Variants in ARID4B observed in about 807,000 individuals in gnomAD.
ARID4B encodes the protein AT-rich interaction domain 4B.
A neutral mutation model predicts 147.5 loss-of-function variants in ARID4B; 26 were observed. The observed-to-expected ratio is 0.18, with a 90% CI of 0.13 to 0.24. The LOEUF (loss-of-function observed/expected upper bound fraction) is 0.24, where lower values mean the gene tolerates loss of function less well. Among genes scored for constraint, ARID4B ranks in the 10% least tolerant of loss-of-function variants. The probability of loss-of-function intolerance (pLI) is 1.00; values close to 1 mark genes in which losing one functional copy is unlikely to be tolerated. For synonymous variants in ARID4B, 512 were observed against 507.9 expected, an observed-to-expected ratio of 1.01 and a Z score of -0.11; for missense variants, 1,179 against 1,511.5, an observed-to-expected ratio of 0.78 and a Z score of 3.65.
rs1482696700 is a variant in ARID4B, at chr1:235,173,772, ATATAT to A, written c.3665-1013_3665-1009del. 4.6e-3 allele frequency among the ~76,000 whole-genome samples: 67 copies of A among 14,660 alleles called. 2 individuals carry two copies. Among genetic ancestry groups the A allele is most frequent in the African/African-American group, 0.014 (50 of 3,504 alleles). The allele number at this position is 14,660 out of a possible 152,430, so 9.6% of individuals were successfully genotyped here. Reference sequence around the variant, plus strand: ...AAAAAAAAAAAAAAAAAAAAAAAAAATATATATATATATATATATATATATATATA... The same window carrying A: ...AAAAAAAAAAAAAAAAAAAAAAAAAAATATATATATATATATATATATATA... On this transcript the variant is annotated intron_variant, in intron 22 of 23. Coordinates refer to ENST00000264183, the MANE Select transcript of ARID4B (RefSeq NM_016374.6).
intron 10 of ARID4B, among the ~76,000 whole-genome samples, chr1:235,229,840 T>G (rs904393535): frequency 6.6e-6 from 1 of 152,204 alleles, no homozygotes; most frequent in Non-Finnish European, 1.5e-5. Flanking sequence ...GAACTTCAAT[T>G]AAAACTATGG....
intron 17 of ARID4B, among the ~76,000 whole-genome samples, chr1:235,213,130 A>C (rs1666814424): frequency 6.6e-6 from 1 of 152,234 alleles, no homozygotes; most frequent in Admixed American, 6.5e-5. Flanking sequence ...AAAAATGCTT[A>C]AGTCATTGAA....
intron 2 of ARID4B, among the ~76,000 whole-genome samples, chr1:235,271,026 A>G (rs1236036310): frequency 6.6e-6 from 1 of 152,156 alleles, no homozygotes; most frequent in Non-Finnish European, 1.5e-5. Context: ...TAAAGACAGC[A>G]TCTGGAGAAC....
intron 17 of ARID4B, among the ~76,000 whole-genome samples, chr1:235,209,832 G>C (rs1666597193): frequency 6.6e-6 from 1 of 151,976 alleles, no homozygotes; most frequent in Admixed American, 6.5e-5. Flanking sequence ...CCAAAGTGCT[G>C]GGATTATGGG....
intron 18 of ARID4B, among the ~76,000 whole-genome samples, chr1:235,195,372 C>G (rs1253321970): frequency 6.6e-6 from 1 of 152,056 alleles, no homozygotes; most frequent in African/African-American, 2.4e-5. Context: ...GCGGGCGGAT[C>G]ACCTGAGGTC....
At chr1:235,206,531 A>G (rs370200964) in intron 17 of ARID4B, among the ~76,000 whole-genome samples, 6 of 152,348 alleles carry the variant, frequency 3.9e-5, no homozygotes, top group Admixed American at 2.6e-4. Flanking sequence ...GAGAAAACAC[A>G]TAAAGATGAG....
intron 17 of ARID4B, among the ~76,000 whole-genome samples, chr1:235,207,676 T>G (rs1018806533): frequency 2.0e-5 from 3 of 152,122 alleles, no homozygotes; most frequent in Non-Finnish European, 4.4e-5. Flanking sequence ...AGCACAGTAT[T>G]TGGCACATAG....
At chr1:235,251,251 A>AG (rs1669625723) in intron 6 of ARID4B, among the ~76,000 whole-genome samples, 1 of 152,118 alleles carries the variant, frequency 6.6e-6, no homozygotes, top group Admixed American at 6.5e-5. Flanking sequence ...AACAAGAATA[A>AG]GCAAGAGAAG....
At chr1:235,196,153 T>C in intron 17 of ARID4B, 38 bp from the exon 18 acceptor site, 1 of 1,080,766 alleles carries the variant, frequency 9.3e-7, no homozygotes, top group Non-Finnish European at 1.4e-6. Context: ...ATGTACAATA[T>C]ATACCACGGA....
chr1:235,178,616 TCTGAA>T (rs1355203833), intron 20 of ARID4B, among the ~76,000 whole-genome samples: 1 of 152,190 alleles, frequency 6.6e-6, no homozygotes, highest in African/African-American at 2.4e-5. Context: ...CAATCACTAC[TCTGAA>T]CTGTAGCATT....
chr1:235,170,141 C>G (rs900986214), intron 23 of ARID4B, among the ~76,000 whole-genome samples: 1 of 152,120 alleles, frequency 6.6e-6, no homozygotes, highest in Non-Finnish European at 1.5e-5. Flanking sequence ...CATTACAACT[C>G]TAGAAAAAAG....
chr1:235,307,612 G>A (rs1673672456), intron 2 of ARID4B, among the ~76,000 whole-genome samples: 1 of 152,154 alleles, frequency 6.6e-6, no homozygotes, highest in African/African-American at 2.4e-5. Context: ...AAACTTTTCT[G>A]AGCTAGATCA....
chr1:235,255,858 G>T, intron 4 of ARID4B, 108 bp from the exon 5 acceptor site: 1 of 678,564 alleles, frequency 1.5e-6, no homozygotes, highest in South Asian at 2.1e-5. Context: ...AGAATAAAAT[G>T]ACTATTGACT....
chr1:235,229,002 T>G (rs1246367950), intron 11 of ARID4B: 1 of 475,804 alleles, frequency 2.1e-6, no homozygotes, highest in African/African-American at 2.0e-5. Flanking sequence ...TAAGACATGT[T>G]TTTGAGGTTA....
At chr1:235,248,394 T>G (rs1030264872) in intron 6 of ARID4B, among the ~76,000 whole-genome samples, 1 of 152,126 alleles carries the variant, frequency 6.6e-6, no homozygotes, top group Non-Finnish European at 1.5e-5. Context: ...TGGTGAAAAT[T>G]TCTATGTAAT....
At chr1:235,255,482 A>G (rs1318473067) in intron 5 of ARID4B, among the ~76,000 whole-genome samples, 178 bp downstream of exon 5, 1 of 152,082 alleles carries the variant, frequency 6.6e-6, no homozygotes, top group Non-Finnish European at 1.5e-5. Context: ...AATTTTTGTT[A>G]CATATACATA....
chr1:235,220,432 A>C lies in ARID4B; in HGVS notation c.1277T>G (p.Ile426Arg). The C allele has an allele frequency of 2.5e-6, 4 of 1,611,764 alleles. No homozygotes were observed. Among genetic ancestry groups the C allele is most frequent in the Non-Finnish European group, 3.4e-6 (4 of 1,178,716 alleles). ...TGTTTCATTTTCCTCCTTAACTTTT[A>C]TTTCTTTTACATTTTCACACTCCTT... is the stretch of plus-strand genomic sequence containing the variant. ...QCKECENVKE[I>R]KVKEENETEI... Residue 426 changes from isoleucine to arginine, a missense_variant, in exon 15 of 24, where the codon ATA (isoleucine) becomes AGA (arginine). Around this residue, in one of 10 missense-constraint regions of ARID4B, gnomAD observed 204 missense variants for 210.9 expected, o/e 0.97. Transcript: ENST00000264183.
intron 2 of ARID4B, among the ~76,000 whole-genome samples, chr1:235,294,673 C>A (rs926119486): frequency 1.3e-5 from 2 of 150,686 alleles, no homozygotes; most frequent in Non-Finnish European, 3.0e-5. Context: ...CTACCACACC[C>A]GGCTGATTTT....
chr1:235,210,611 C>T (rs964957417), intron 17 of ARID4B, among the ~76,000 whole-genome samples: 6 of 152,122 alleles, frequency 3.9e-5, no homozygotes, highest in Non-Finnish European at 8.8e-5. Flanking sequence ...GCTTAATCTA[C>T]TGAAGTACAT....
Sources: allele counts gnomAD v4.1 joint callset (sites outside exome capture counted in the v4.1 genomes callset), GRCh38; gene constraint gnomAD v4.1.1; regional missense constraint gnomAD v4.1.1; transcripts MANE v1.5; gene names NCBI Gene and HGNC (gene_info 2026-07-23, HGNC 2026-07-21).